TMEM132B: variants seen among roughly 807,000 people sequenced by gnomAD.
TMEM132B encodes the protein transmembrane protein 132B.
Under a neutral mutation model 90.8 loss-of-function variants are expected in TMEM132B, and 18 were observed. That is an observed-to-expected ratio of 0.20 (90% CI 0.14 to 0.29). TMEM132B has a LOEUF of 0.29. TMEM132B is among the 10% of genes least tolerant of loss of function. The pLI is 1.00. For synonymous variants in TMEM132B, 504 were observed against 523.3 expected (o/e 0.96, Z 0.50); for missense variants, 1,096 against 1,326.8 (o/e 0.83, Z 2.70).
intron 1 of TMEM132B, among the ~76,000 whole-genome samples, chr12:125,321,165 AGTG>A (rs1255358315): frequency 6.6e-6 from 1 of 152,234 alleles, no homozygotes; most frequent in Non-Finnish European, 1.5e-5. Flanking sequence ...AGACCAAAGA[AGTG>A]GTAGATTTTT....
At chr12:125,512,510 T>G (rs1260125509) in intron 3 of TMEM132B, among the ~76,000 whole-genome samples, 1 of 152,222 alleles carries the variant, frequency 6.6e-6, no homozygotes, top group African/African-American at 2.4e-5. Flanking sequence ...GAACCCAATT[T>G]CTTAGAGTAT....
At chr12:125,310,505 T>TA (rs907291572) in intron 1 of TMEM132B, among the ~76,000 whole-genome samples, 5 of 152,192 alleles carry the variant, frequency 3.3e-5, no homozygotes, top group African/African-American at 1.2e-4. Context: ...TTCACACAGT[T>TA]AATCAGCAGG....
intron 3 of TMEM132B, among the ~76,000 whole-genome samples, chr12:125,452,618 T>A (rs1185509795): frequency 6.6e-6 from 1 of 152,216 alleles, no homozygotes. Flanking sequence ...TTCTCATTTT[T>A]CCACAGCCTC....
intron 2 of TMEM132B, among the ~76,000 whole-genome samples, chr12:125,374,968 T>C (rs574726341): frequency 2.9e-4 from 44 of 152,248 alleles, no homozygotes; most frequent in African/African-American, 9.6e-4. Flanking sequence ...TTTCCATCAC[T>C]GAGCAGCTTA....
chr12:125,314,023 C>A, intron 1 of TMEM132B, among the ~76,000 whole-genome samples: 1 of 152,118 alleles, frequency 6.6e-6, no homozygotes, highest in South Asian at 2.1e-4. Context: ...AAATCATCAT[C>A]CCCAGGATCA....
At chr12:125,604,620 A>C (rs1214493295) in intron 5 of TMEM132B, among the ~76,000 whole-genome samples, 2 of 152,252 alleles carry the variant, frequency 1.3e-5, no homozygotes, top group East Asian at 3.8e-4. Flanking sequence ...AAATAAAAAA[A>C]ATAAATAAAT....
At chr12:125,268,913 G>A (rs1213573697) in intron 1 of TMEM132B, among the ~76,000 whole-genome samples, 3 of 152,176 alleles carry the variant, frequency 2.0e-5, no homozygotes, top group East Asian at 1.9e-4. Flanking sequence ...TCCCAGCACC[G>A]CATCTTATTA....
At chr12:125,539,856 G>A (rs968263163) in intron 4 of TMEM132B, among the ~76,000 whole-genome samples, 5 of 152,012 alleles carry the variant, frequency 3.3e-5, no homozygotes, top group African/African-American at 1.2e-4. Context: ...GGCTTTTGCT[G>A]TCATATTTGT....
chr12:125,590,472 A>G (rs1410889884), intron 5 of TMEM132B, among the ~76,000 whole-genome samples: 1 of 152,216 alleles, frequency 6.6e-6, no homozygotes, highest in Admixed American at 6.5e-5. Flanking sequence ...TTATCAGAAC[A>G]TTGTCAGTGA....
At chr12:125,500,545 CATG>C (rs2136596010) in intron 3 of TMEM132B, among the ~76,000 whole-genome samples, 1 of 152,308 alleles carries the variant, frequency 6.6e-6, no homozygotes, top group Admixed American at 6.5e-5. Context: ...CATTTGAGGA[CATG>C]ATAATCTGAG....
chr12:125,560,307 A>G (rs949153083), intron 4 of TMEM132B, among the ~76,000 whole-genome samples: 2 of 152,208 alleles, frequency 1.3e-5, no homozygotes, highest in Non-Finnish European at 2.9e-5. Context: ...GACCCAAGAG[A>G]GAGCAGATCT....
At chr12:125,219,493 A>G (rs779249095) in intron 1 of TMEM132B, among the ~76,000 whole-genome samples, 1 of 152,144 alleles carries the variant, frequency 6.6e-6, no homozygotes, top group Non-Finnish European at 1.5e-5. Flanking sequence ...CCCTAGGCAC[A>G]ATAAAGGTGT....
chr12:125,481,362 A>G (rs1382905745), intron 3 of TMEM132B, among the ~76,000 whole-genome samples: 1 of 152,174 alleles, frequency 6.6e-6, no homozygotes, highest in African/African-American at 2.4e-5. Context: ...AAACCCCATC[A>G]TCTCAGCCCA....
At chr12:125,353,105 AT>A (rs1877643755) in intron 2 of TMEM132B, among the ~76,000 whole-genome samples, 1 of 152,182 alleles carries the variant, frequency 6.6e-6, no homozygotes, top group Non-Finnish European at 1.5e-5. Flanking sequence ...TGGCCAAGGG[AT>A]GGCTTCACTG....
At chr12:125,540,227 G>A (rs1463602897) in intron 4 of TMEM132B, among the ~76,000 whole-genome samples, 3 of 152,036 alleles carry the variant, frequency 2.0e-5, no homozygotes, top group Non-Finnish European at 4.4e-5. Flanking sequence ...TAGCTTTATG[G>A]TGTAGAGATA....
rs1163300235 is a variant in TMEM132B at position 125,432,528 on chromosome 12, TAGAGAGAGAGAG to T, written c.1106+16879_1106+16890del. 5.1e-5 allele frequency among the ~76,000 whole-genome samples: 2 copies of T among 39,128 alleles called. 1 individual carries two copies. The highest frequency in any genetic ancestry group is 2.5e-4 in the African/African-American group (2 of 8,056). The allele number at this position is 39,128 out of a possible 152,430, so 25.7% of individuals were successfully genotyped here. On this transcript the variant is annotated intron_variant, in intron 3 of 8. Transcript: ENST00000682704. ...GTGTGTGTGTATATATATATATATA[TAGAGAGAGAGAG>T]AGAGAGAGAGAGAGAGAGAGAGAGA...
chr12:125,427,208 T>C lies in TMEM132B; in HGVS notation c.1106+11531T>C, dbSNP rs187441652. Among the ~76,000 whole-genome samples the C allele has an allele frequency of 1.1e-3, 167 of 152,300 alleles. 1 individual carries two copies. The highest frequency in any genetic ancestry group is 3.6e-3 in the African/African-American group (149 of 41,562). ...TGGATGGGTGCCTCTTTGAGCAGTC[T>C]ATGCAAAGAGGGAGGACTTTTCAGG... On this transcript the variant is annotated intron_variant, in intron 3 of 8. Coordinates refer to ENST00000682704, the MANE Select transcript of TMEM132B (RefSeq NM_001366854.1).
intron 3 of TMEM132B, among the ~76,000 whole-genome samples, chr12:125,497,784 G>A (rs1419663534): frequency 6.6e-6 from 1 of 152,198 alleles, no homozygotes; most frequent in African/African-American, 2.4e-5. Flanking sequence ...CTCATTTATT[G>A]ATGAAGCTTT....
intron 1 of TMEM132B, among the ~76,000 whole-genome samples, chr12:125,280,549 C>G (rs12367523): frequency 0.16 from 23,958 of 152,164 alleles, 2,393 homozygotes; most frequent in African/African-American, 0.28. Context: ...GCTCTGCTCC[C>G]TGCCTCCCTC....
Sources: allele counts gnomAD v4.1 joint callset (sites outside exome capture counted in the v4.1 genomes callset), GRCh38; gene constraint gnomAD v4.1.1; transcripts MANE v1.5; gene names NCBI Gene and HGNC (gene_info 2026-07-23, HGNC 2026-07-21).